Variants in PTPRZ1 observed in about 807,000 individuals in gnomAD.
PTPRZ1 encodes the protein protein tyrosine phosphatase receptor type Z1.
In PTPRZ1, 82 loss-of-function variants were observed where a neutral mutation model predicts 214.1. The observed-to-expected ratio is 0.38, with a 90% CI of 0.32 to 0.46. The LOEUF (loss-of-function observed/expected upper bound fraction) is 0.46, where lower values mean the gene tolerates loss of function less well. Ranked by LOEUF, PTPRZ1 falls within the 20% of genes least tolerant of loss-of-function variation. The probability of loss-of-function intolerance (pLI) is 1.00; values close to 1 mark genes in which losing one functional copy is unlikely to be tolerated. For synonymous variants in PTPRZ1, 945 were observed against 987.9 expected, an observed-to-expected ratio of 0.96 and a Z score of 0.81; for missense variants, 2,603 against 2,748.7, an observed-to-expected ratio of 0.95 and a Z score of 1.19.
intron 9 of PTPRZ1, 59 bp downstream of exon 9, chr7:121,996,625 AG>A (rs1798146784): frequency 4.6e-6 from 6 of 1,298,922 alleles, no homozygotes; most frequent in Non-Finnish European, 5.2e-6. Flanking sequence ...TTCCAAGGTA[AG>A]AACTTACAAA....
At chr7:122,053,849 C>A in intron 25 of PTPRZ1, 61 bp from the exon 26 acceptor site, 1 of 1,585,754 alleles carries the variant, frequency 6.3e-7, no homozygotes, top group Non-Finnish European at 8.6e-7. Context: ...TGTATAAATG[C>A]TTATCTGAAT....
At chr7:121,883,628 C>T (rs1472798682) in intron 1 of PTPRZ1, among the ~76,000 whole-genome samples, 2 of 152,142 alleles carry the variant, frequency 1.3e-5, no homozygotes, top group Non-Finnish European at 2.9e-5. Context: ...TGGCAGTTTT[C>T]GTTGTTGCTG....
chr7:122,008,393 T>A (rs887696855), intron 11 of PTPRZ1, among the ~76,000 whole-genome samples: 1 of 152,070 alleles, frequency 6.6e-6, no homozygotes, highest in South Asian at 2.1e-4. Context: ...TGTTTGAGAA[T>A]TTGAGAAAAC....
At chr7:122,016,247 A>G (rs559903463) in intron 12 of PTPRZ1, among the ~76,000 whole-genome samples, 1 of 152,154 alleles carries the variant, frequency 6.6e-6, no homozygotes, top group South Asian at 2.1e-4. Flanking sequence ...GTAATGCTTA[A>G]ATTGTAATAC....
intron 8 of PTPRZ1, among the ~76,000 whole-genome samples, chr7:121,987,239 A>T (rs995113025): frequency 1.8e-4 from 22 of 124,398 alleles, no homozygotes; most frequent in African/African-American, 5.9e-4. Context: ...CTCTTTGGTC[A>T]GTTCCCCTCA....
intron 8 of PTPRZ1, among the ~76,000 whole-genome samples, chr7:121,995,746 C>G (rs1354614715): frequency 6.6e-6 from 1 of 152,154 alleles, no homozygotes; most frequent in Admixed American, 6.5e-5. Context: ...TTGGTTTTCT[C>G]TGGTTGGGAA....
At chr7:122,010,301 T>A (rs1482228961) in intron 11 of PTPRZ1, 33 bp from the exon 12 acceptor site, 1 of 1,561,104 alleles carries the variant, frequency 6.4e-7, no homozygotes, top group Admixed American at 2.0e-5. Context: ...CTTATTTCCT[T>A]ATGACTCATT....
intron 4 of PTPRZ1, among the ~76,000 whole-genome samples, chr7:121,974,480 TTTGTTG>T (rs1043496832): frequency 6.6e-6 from 1 of 151,934 alleles, no homozygotes; most frequent in Non-Finnish European, 1.5e-5. Context: ...GTATTGGGGT[TTTGTTG>T]TTGTTGTTGT....
At chr7:121,921,864 T>A (rs1036587123) in intron 1 of PTPRZ1, among the ~76,000 whole-genome samples, 1 of 152,170 alleles carries the variant, frequency 6.6e-6, no homozygotes, top group Non-Finnish European at 1.5e-5. Flanking sequence ...TTTGAGCTAG[T>A]ATTATAGCCT....
At chr7:122,005,977 T>C (rs1562857068) in intron 11 of PTPRZ1, among the ~76,000 whole-genome samples, 1 of 152,064 alleles carries the variant, frequency 6.6e-6, no homozygotes, top group African/African-American at 2.4e-5. Flanking sequence ...CCATTAACCC[T>C]AAGGCAACTT....
chr7:122,051,823 G>A, intron 24 of PTPRZ1, 43 bp from the exon 25 acceptor site: 1 of 1,551,096 alleles, frequency 6.4e-7, no homozygotes. Flanking sequence ...GTTTTGTTTT[G>A]TTTTGTTTTG....
chr7:121,908,679 G>C, intron 1 of PTPRZ1: 1 of 466,176 alleles, frequency 2.1e-6, no homozygotes, highest in Non-Finnish European at 4.1e-6. Context: ...TGAATAAATT[G>C]CTATTCAAAA....
chr7:122,053,667 G>T (rs1199668840), intron 25 of PTPRZ1, among the ~76,000 whole-genome samples: 1 of 151,990 alleles, frequency 6.6e-6, no homozygotes. Context: ...GGGGGTCACA[G>T]TTCCTATCTC....
intron 14 of PTPRZ1, among the ~76,000 whole-genome samples, chr7:122,031,206 T>C (rs1799360191): frequency 1.3e-5 from 2 of 152,052 alleles, no homozygotes; most frequent in South Asian, 4.1e-4. Context: ...GCTATGGTGG[T>C]ATTTATAAAT....
chr7:122,023,623 ATT>A lies in PTPRZ1; in HGVS notation c.4988+4356_4988+4357del, dbSNP rs1799101176. On this transcript the variant is annotated intron_variant, in intron 13 of 29. Transcript: ENST00000393386. ...TATAATTTTATATATAATTATATAT[ATT>A]ATATGTATAATTTTATATATAATTA... Among the ~76,000 whole-genome samples, 4 of 130,766 alleles carry A rather than the reference ATT, an allele frequency of 3.1e-5. No individual in the cohort carries two copies. In the South Asian group the frequency reaches 6.5e-4, roughly 21 times the overall value. 85.8% of individuals were successfully genotyped at this position (130,766 alleles called of 152,430 possible).
chr7:121,882,443 C>T (rs1396177729), intron 1 of PTPRZ1, among the ~76,000 whole-genome samples: 1 of 152,066 alleles, frequency 6.6e-6, no homozygotes, highest in African/African-American at 2.4e-5. Flanking sequence ...GAGCAGAAGG[C>T]ATCAGAGGGA....
At chr7:121,919,081 G>C (rs892591383) in intron 1 of PTPRZ1, among the ~76,000 whole-genome samples, 6 of 151,978 alleles carry the variant, frequency 3.9e-5, no homozygotes, top group Non-Finnish European at 5.9e-5. Context: ...GATATGAAGA[G>C]TTTTAAGGAT....
intron 8 of PTPRZ1, among the ~76,000 whole-genome samples, chr7:121,993,427 C>T (rs7457554): frequency 0.22 from 32,976 of 150,430 alleles, 4,237 homozygotes; most frequent in African/African-American, 0.36. Context: ...AAAAAAAAAA[C>T]AGCCGGGCAT....
At chr7:121,875,454 T>C (rs973391551) in intron 1 of PTPRZ1, among the ~76,000 whole-genome samples, 2 of 152,262 alleles carry the variant, frequency 1.3e-5, no homozygotes, top group Admixed American at 6.5e-5. Context: ...CAAAGGTTTT[T>C]CTCTGTAAAG....
Sources: allele counts gnomAD v4.1 joint callset (sites outside exome capture counted in the v4.1 genomes callset), GRCh38; gene constraint gnomAD v4.1.1; transcripts MANE v1.5; gene names NCBI Gene and HGNC (gene_info 2026-07-23, HGNC 2026-07-21).